The following CDH6 variants were observed in gnomAD, a reference collection of about 807,000 sequenced individuals.
CDH6 encodes the protein cadherin 6, also known as cadherin-6.
In CDH6, 31 loss-of-function variants were observed where a neutral mutation model predicts 78.0. The observed-to-expected ratio is 0.40, with a 90% CI of 0.30 to 0.54. The LOEUF is 0.54. CDH6 is among the 20% of genes least tolerant of loss of function. The probability of loss-of-function intolerance (pLI) is 0.56; values close to 1 mark genes in which losing one functional copy is unlikely to be tolerated. For synonymous variants in CDH6, 376 were observed against 368.8 expected (o/e 1.02, Z -0.23); for missense variants, 724 against 975.9 (o/e 0.74, Z 3.44).
chr5:31,262,398 T>C (rs937010615), intron 1 of CDH6, among the ~76,000 whole-genome samples: 5 of 152,200 alleles, frequency 3.3e-5, no homozygotes, highest in Non-Finnish European at 7.3e-5. Flanking sequence ...CAACCACTTT[T>C]GCATATCAAA....
At chr5:31,306,860 A>T (rs1426245415) in intron 7 of CDH6, among the ~76,000 whole-genome samples, 2 of 152,218 alleles carry the variant, frequency 1.3e-5, no homozygotes. Context: ...GAGCACCTGG[A>T]GTACTATTTT....
At chr5:31,221,581 T>C (rs1741005152) in intron 1 of CDH6, among the ~76,000 whole-genome samples, 2 of 152,184 alleles carry the variant, frequency 1.3e-5, no homozygotes. Context: ...TCTTCAAAGA[T>C]TGATGACTCG....
chr5:31,307,011 G>A (rs1738009085), intron 7 of CDH6, among the ~76,000 whole-genome samples: 1 of 152,124 alleles, frequency 6.6e-6, no homozygotes, highest in African/African-American at 2.4e-5. Flanking sequence ...TGATACCAGA[G>A]CTTGCTTGAC....
intron 2 of CDH6, among the ~76,000 whole-genome samples, chr5:31,275,490 T>A (rs1742665967): frequency 6.6e-6 from 1 of 152,244 alleles, no homozygotes. Context: ...TCACTTAGGA[T>A]AATGGCCTCC....
At chr5:31,298,650 A>G (rs548449661) in intron 4 of CDH6, among the ~76,000 whole-genome samples, 1 of 152,368 alleles carries the variant, frequency 6.6e-6, no homozygotes, top group African/African-American at 2.4e-5. Context: ...AGGCTTCTCC[A>G]GTGAAATTTG....
chr5:31,237,673 T>C (rs888708662), intron 1 of CDH6, among the ~76,000 whole-genome samples: 3 of 152,146 alleles, frequency 2.0e-5, no homozygotes, highest in Non-Finnish European at 4.4e-5. Context: ...ATGACCATTT[T>C]CCCCCCATTA....
chr5:31,252,306 T>C (rs940054584), intron 1 of CDH6, among the ~76,000 whole-genome samples: 2 of 151,248 alleles, frequency 1.3e-5, no homozygotes, highest in Non-Finnish European at 2.9e-5. Flanking sequence ...CAGAATACTT[T>C]TAAGGTGTAT....
intron 2 of CDH6, among the ~76,000 whole-genome samples, chr5:31,278,239 A>ATT (rs1260374911): frequency 6.6e-6 from 1 of 152,188 alleles, no homozygotes; most frequent in Non-Finnish European, 1.5e-5. Flanking sequence ...AAACATATAA[A>ATT]CCAAGTGTGT....
At position 31,316,335 on chromosome 5, in the gene CDH6, T is replaced by C. The variant is rs377305950; in HGVS notation, c.1512+6T>C. The C allele has an allele frequency of 1.5e-4, 234 of 1,604,816 alleles. No individual in the cohort carries two copies. In the African/African-American group the frequency reaches 2.4e-3, roughly 17 times the overall value. On this transcript the variant is annotated splice_donor_region_variant and intron_variant, in intron 9 of 11. Transcript: ENST00000265071. ...AAAAAGCAAAGGCAGATCAGGTGAG[T>C]TTCATTAAAAAGTATATTCAAGTTG...
At chr5:31,251,408 C>A (rs561295232) in intron 1 of CDH6, 2 of 152,278 alleles carry the variant, frequency 1.3e-5, no homozygotes, top group Admixed American at 6.5e-5. Context: ...GGAACCAAAC[C>A]AAACCAGGGC....
chr5:31,244,132 G>A (rs777184917), intron 1 of CDH6, among the ~76,000 whole-genome samples: 2 of 152,066 alleles, frequency 1.3e-5, no homozygotes, highest in African/African-American at 4.8e-5. Flanking sequence ...GGAAGTATTT[G>A]CCTATTTTTC....
chr5:31,270,698 A>AT (rs1265047711), intron 2 of CDH6, among the ~76,000 whole-genome samples: 1 of 151,120 alleles, frequency 6.6e-6, no homozygotes, highest in African/African-American at 2.4e-5. Flanking sequence ...TATTTTATTT[A>AT]TTTTTTCTTC....
chr5:31,327,774 T>C lies in CDH6; in HGVS notation c.*4466T>C. The C allele has an allele frequency of 4.8e-6, 1 of 210,246 alleles. No homozygotes were observed. Among genetic ancestry groups the C allele is most frequent in the Non-Finnish European group, 9.7e-6 (1 of 103,614 alleles). The allele number at this position is 210,246 out of a possible 1,614,324, so 13.0% of individuals were successfully genotyped here. ...GGAATAATTTTCTAAAGGGTAATTC[T>C]CTACTAAAAATATCAGACCCCGACC... On this transcript the variant is annotated 3_prime_UTR_variant, in exon 12 of 12. Transcript: ENST00000265071.
intron 5 of CDH6, among the ~76,000 whole-genome samples, chr5:31,301,235 G>A (rs1265309706): frequency 1.3e-5 from 2 of 152,134 alleles, no homozygotes; most frequent in Non-Finnish European, 2.9e-5. Context: ...ATTACTGAAC[G>A]CCTACATTTT....
chr5:31,240,254 AT>A (rs1190952254), intron 1 of CDH6, among the ~76,000 whole-genome samples: 1 of 152,128 alleles, frequency 6.6e-6, no homozygotes, highest in Non-Finnish European at 1.5e-5. Context: ...GACCATAGTG[AT>A]TTTTTTCCTT....
chr5:31,253,897 T>C (rs1741981108), intron 1 of CDH6, among the ~76,000 whole-genome samples: 1 of 152,006 alleles, frequency 6.6e-6, no homozygotes, highest in East Asian at 1.9e-4. Context: ...ATCTGCTTTT[T>C]AAAAAAAGAA....
At chr5:31,237,116 G>A (rs1426876570) in intron 1 of CDH6, among the ~76,000 whole-genome samples, 1 of 152,174 alleles carries the variant, frequency 6.6e-6, no homozygotes, top group African/African-American at 2.4e-5. Flanking sequence ...GTGTTTCAGA[G>A]AGGACAGCTG....
intron 1 of CDH6, among the ~76,000 whole-genome samples, chr5:31,224,842 C>T (rs535150932): frequency 8.5e-5 from 13 of 152,334 alleles, no homozygotes; most frequent in Admixed American, 5.9e-4. Flanking sequence ...CTGCACCCAG[C>T]TCTCAATACT....
intron 1 of CDH6, among the ~76,000 whole-genome samples, chr5:31,215,897 C>T (rs866514541): frequency 6.6e-6 from 1 of 152,084 alleles, no homozygotes; most frequent in Admixed American, 6.6e-5. Flanking sequence ...TTCCACATAG[C>T]AACCAAGAGA....
Sources: allele counts gnomAD v4.1 joint callset (sites outside exome capture counted in the v4.1 genomes callset), GRCh38; gene constraint gnomAD v4.1.1; transcripts MANE v1.5; gene names NCBI Gene and HGNC (gene_info 2026-07-23, HGNC 2026-07-21).